Variants in FAM107B observed in about 807,000 individuals in gnomAD.
FAM107B encodes protein FAM107B.
FAM107B carries 21 observed loss-of-function variants against 31.5 expected under a neutral mutation model. That is an observed-to-expected ratio of 0.67 (90% CI 0.47 to 0.96). The LOEUF (loss-of-function observed/expected upper bound fraction) is 0.96. Ranked by LOEUF, FAM107B falls within the 40% of genes least tolerant of loss-of-function variation. The pLI is 0.00. For missense variants in FAM107B, 452 were observed against 377.1 expected (o/e 1.20, Z -1.64); for synonymous variants, 157 against 141.5 (o/e 1.11, Z -0.78).
chr10:14,705,023 C>CAAG lies in FAM107B; in HGVS notation c.412-37333_412-37332insCTT, dbSNP rs1855487301. Among the ~76,000 whole-genome samples the CAAG allele has an allele frequency of 4.5e-5, 4 of 87,932 alleles. No homozygotes were observed. In the Admixed American group the frequency reaches 5.7e-4, roughly 12 times the overall value. 57.7% of individuals were successfully genotyped at this position (87,932 alleles called of 152,430 possible). A position where few individuals can be genotyped will look rare whatever the true frequency, so the allele number is the denominator to read the frequency against. On this transcript the variant is annotated intron_variant, in intron 1 of 4. Coordinates refer to ENST00000181796, the MANE Select transcript of FAM107B (RefSeq NM_031453.4). Reference sequence around the variant, plus strand: ...TGAGCAATGGAGTGAGACCCTGTCACAAAAAAAAAAAAAAAAAAAATAGAC... The same window carrying CAAG: ...TGAGCAATGGAGTGAGACCCTGTCACAAGAAAAAAAAAAAAAAAAAAAATAGAC...
At chr10:14,536,866 A>G (rs1847666332) in intron 2 of FAM107B, among the ~76,000 whole-genome samples, 1 of 152,188 alleles carries the variant, frequency 6.6e-6, no homozygotes, top group South Asian at 2.1e-4. Context: ...TGCTGCCAAT[A>G]TGTTGTTGTA....
At chr10:14,730,829 C>T (rs1349733724) in intron 1 of FAM107B, among the ~76,000 whole-genome samples, 1 of 152,156 alleles carries the variant, frequency 6.6e-6, no homozygotes, top group Non-Finnish European at 1.5e-5. Context: ...ACTCCTCAGT[C>T]CCGGGCAAAC....
At chr10:14,699,564 G>A (rs954535601) in intron 1 of FAM107B, among the ~76,000 whole-genome samples, 2 of 152,190 alleles carry the variant, frequency 1.3e-5, no homozygotes, top group Non-Finnish European at 2.9e-5. Context: ...TATCAAGCCC[G>A]CAATGAATCG....
chr10:14,667,972 G>A (rs1030800658), intron 1 of FAM107B, among the ~76,000 whole-genome samples: 13 of 152,100 alleles, frequency 8.5e-5, no homozygotes, highest in African/African-American at 3.1e-4. Context: ...CAACCCAGGG[G>A]CCCCCTGTGA....
At position 14,774,763 on chromosome 10, in the gene FAM107B, C is replaced by T. The variant is rs963017510; in HGVS notation, c.-100G>A. ...CTTATAGGAACTCTTTCCAATTGCC[C>T]GAAGAGAAGAACTTGCTAGTGGTTG... On this transcript the variant is annotated 5_prime_UTR_variant, in exon 1 of 5. Coordinates refer to ENST00000181796, the MANE Select transcript of FAM107B (RefSeq NM_031453.4). 3 of 1,320,104 alleles carry T rather than the reference C, an allele frequency of 2.3e-6. No homozygotes were observed. Among genetic ancestry groups the T allele is most frequent in the Non-Finnish European group, 2.1e-6 (2 of 964,922 alleles). 81.8% of individuals were successfully genotyped at this position (1,320,104 alleles called of 1,614,324 possible).
In FAM107B at chr10:14,563,101, A is replaced by G. The variant is rs141852166; in HGVS notation, c.470-32586T>C. ...AAAACAGCCACAGAAAGGTTACGAT[A>G]GTCTGTTAAACAAATAAAAACTTGA... is the stretch of plus-strand genomic sequence containing the variant. On this transcript the variant is annotated intron_variant, in intron 2 of 4. Coordinates refer to ENST00000181796, the MANE Select transcript of FAM107B (RefSeq NM_031453.4). Among the ~76,000 whole-genome samples the G allele has an allele frequency of 9.8e-5, 15 of 152,394 alleles. No homozygotes were observed. In the East Asian group the frequency reaches 2.1e-3, roughly 22 times the overall value.
chr10:14,603,843 G>C (rs1340623814), intron 2 of FAM107B, among the ~76,000 whole-genome samples: 2 of 151,590 alleles, frequency 1.3e-5, no homozygotes, highest in Admixed American at 6.6e-5. Flanking sequence ...GGTCCACGCC[G>C]GGCGCCGCGG....
chr10:14,528,269 C>T (rs1389693297), intron 3 of FAM107B, among the ~76,000 whole-genome samples: 2 of 150,680 alleles, frequency 1.3e-5, no homozygotes, highest in African/African-American at 4.9e-5. Context: ...GCAACCTCCA[C>T]CTCCCATGTT....
chr10:14,561,448 G>A (rs942057238), intron 2 of FAM107B, among the ~76,000 whole-genome samples: 4 of 152,226 alleles, frequency 2.6e-5, no homozygotes, highest in African/African-American at 9.6e-5. Context: ...GGCTACCAAG[G>A]GAAAGAGCTT....
intron 1 of FAM107B, among the ~76,000 whole-genome samples, chr10:14,746,268 T>C (rs1407957070): frequency 6.6e-6 from 1 of 152,232 alleles, no homozygotes; most frequent in African/African-American, 2.4e-5. Flanking sequence ...TTCTGTGTCT[T>C]TTAATTGGGG....
intron 1 of FAM107B, among the ~76,000 whole-genome samples, chr10:14,725,116 G>C (rs960104915): frequency 6.6e-6 from 1 of 152,156 alleles, no homozygotes; most frequent in African/African-American, 2.4e-5. Context: ...GTGGGGTTTT[G>C]TATTTGTAGA....
intron 2 of FAM107B, among the ~76,000 whole-genome samples, chr10:14,616,577 G>C (rs527678209): frequency 6.6e-6 from 1 of 152,312 alleles, no homozygotes; most frequent in South Asian, 2.1e-4. Flanking sequence ...AGGCATATTG[G>C]AGAACACAAA....
chr10:14,769,229 G>T (rs1021527446), intron 1 of FAM107B, among the ~76,000 whole-genome samples: 1 of 152,194 alleles, frequency 6.6e-6, no homozygotes, highest in South Asian at 2.1e-4. Context: ...GTAACCACCA[G>T]AGCCTGTGAA....
rs769614377 is a variant in FAM107B at position 14,741,715 on chromosome 10, C to CTTTTT, written c.411+32533_411+32537dup. On this transcript the variant is annotated intron_variant, in intron 1 of 4. Coordinates refer to ENST00000181796, the MANE Select transcript of FAM107B (RefSeq NM_031453.4). ...TCCTCGACTTTCCATGCATAACTCC[C>CTTTTT]TTTTTTTTTTTTTTTTTTTTTTTGA... Among the ~76,000 whole-genome samples the CTTTTT allele has an allele frequency of 1.5e-3, 168 of 114,402 alleles. 4 individuals carry two copies. The highest frequency in any genetic ancestry group is 5.8e-3 in the East Asian group (21 of 3,612). The allele number at this position is 114,402 out of a possible 152,430, so 75.1% of individuals were successfully genotyped here.
intron 1 of FAM107B, among the ~76,000 whole-genome samples, chr10:14,681,585 G>A (rs924065283): frequency 6.6e-6 from 1 of 152,062 alleles, no homozygotes; most frequent in Non-Finnish European, 1.5e-5. Flanking sequence ...GCTCATGACC[G>A]TCACCGCACC....
chr10:14,569,011 G>A (rs928735763), intron 2 of FAM107B, among the ~76,000 whole-genome samples: 1 of 152,190 alleles, frequency 6.6e-6, no homozygotes, highest in Admixed American at 6.5e-5. Context: ...ATAATGACAT[G>A]TTTATCCTGA....
chr10:14,754,616 G>A (rs1344123763), intron 1 of FAM107B, among the ~76,000 whole-genome samples: 4 of 152,206 alleles, frequency 2.6e-5, no homozygotes, highest in Non-Finnish European at 4.4e-5. Context: ...AGCTGACATC[G>A]TGAAAAGCAG....
intron 1 of FAM107B, among the ~76,000 whole-genome samples, chr10:14,754,524 T>A (rs942503992): frequency 6.6e-6 from 1 of 152,184 alleles, no homozygotes; most frequent in Non-Finnish European, 1.5e-5. Context: ...CTCTTCCAGC[T>A]GAACGAGGAT....
At chr10:14,540,892 C>G (rs1455603359) in intron 2 of FAM107B, among the ~76,000 whole-genome samples, 1 of 152,170 alleles carries the variant, frequency 6.6e-6, no homozygotes, top group Non-Finnish European at 1.5e-5. Flanking sequence ...ACAGAGCCAA[C>G]CCCACCCCAC....
Sources: gnomAD v4.1 joint callset for allele counts (sites outside exome capture counted in the v4.1 genomes callset) on GRCh38, gnomAD v4.1.1 for gene constraint, MANE v1.5 for transcripts, NCBI Gene and HGNC (gene_info 2026-07-23, HGNC 2026-07-21) for gene names.